MTUS2: variants seen among roughly 807,000 people sequenced by gnomAD.
The protein encoded by MTUS2 is microtubule-associated tumor suppressor candidate 2.
Under a neutral mutation model 114.1 loss-of-function variants are expected in MTUS2, and 40 were observed. The observed-to-expected ratio is 0.35, with a 90% CI of 0.27 to 0.46. The LOEUF (loss-of-function observed/expected upper bound fraction) is 0.46. Among genes scored for constraint, MTUS2 ranks in the 20% least tolerant of loss-of-function variants. MTUS2 has a pLI of 1.00. For synonymous variants in MTUS2, 688 were observed against 672.0 expected, an observed-to-expected ratio of 1.02 and a Z score of -0.37; for missense variants, 1,679 against 1,705.4, an observed-to-expected ratio of 0.98 and a Z score of 0.27.
At chr13:29,006,962 C>A (rs17072532) in intron 2 of MTUS2, among the ~76,000 whole-genome samples, 6,850 of 152,258 alleles carry the variant, frequency 0.045, 314 homozygotes, top group African/African-American at 0.12. Flanking sequence ...GGTCTCTGAA[C>A]ACACAAGAAA....
Position 29,355,210 on chromosome 13 carries a change from C to CAGCCTTTGCACGCAACGCCT in MTUS2, c.2906-4036_2906-4017dup, listed in dbSNP as rs1159146893. Among the ~76,000 whole-genome samples the CAGCCTTTGCACGCAACGCCT allele has an allele frequency of 3.3e-5, 5 of 152,174 alleles. No homozygotes were observed. In the South Asian group the frequency reaches 6.2e-4, roughly 19 times the overall value. ...CAAGGGCCGTGTCCTCTCCAGTGCTCAGCCTTTGCACGCAACGCCTAGCCT... is the reference window on the plus strand; with the variant it reads ...CAAGGGCCGTGTCCTCTCCAGTGCTCAGCCTTTGCACGCAACGCCTAGCCTTTGCACGCAACGCCTAGCCT... On this transcript the variant is annotated intron_variant, in intron 7 of 15. Transcript: ENST00000612955.
At chr13:29,423,329 C>T (rs1014580042) in intron 8 of MTUS2, among the ~76,000 whole-genome samples, 2 of 152,200 alleles carry the variant, frequency 1.3e-5, no homozygotes, top group Non-Finnish European at 2.9e-5. Flanking sequence ...CAACAAACAG[C>T]ACCCATTGTT....
chr13:28,990,056 A>T (rs1166406178), intron 2 of MTUS2, among the ~76,000 whole-genome samples: 2 of 152,048 alleles, frequency 1.3e-5, no homozygotes, highest in African/African-American at 2.4e-5. Context: ...AGGTGTTGTG[A>T]ACTGGCAGGA....
At chr13:28,891,945 G>A (rs1878957347) in intron 2 of MTUS2, among the ~76,000 whole-genome samples, 1 of 150,374 alleles carries the variant, frequency 6.7e-6, no homozygotes, top group Non-Finnish European at 1.5e-5. Context: ...TACTCTATTT[G>A]GTCTAGCTTC....
chr13:29,271,358 G>A (rs576498567), intron 5 of MTUS2, among the ~76,000 whole-genome samples: 5 of 152,006 alleles, frequency 3.3e-5, no homozygotes, highest in South Asian at 2.1e-4. Context: ...TTTTCCTCCC[G>A]AATTTTACTC....
At chr13:29,482,797 T>C (rs1461499802) in intron 10 of MTUS2, among the ~76,000 whole-genome samples, 3 of 152,224 alleles carry the variant, frequency 2.0e-5, no homozygotes, top group African/African-American at 7.2e-5. Context: ...GACTGAATCT[T>C]TCCAACACAA....
At chr13:29,208,679 A>C (rs984640699) in intron 5 of MTUS2, among the ~76,000 whole-genome samples, 2 of 152,104 alleles carry the variant, frequency 1.3e-5, no homozygotes, top group African/African-American at 4.8e-5. Flanking sequence ...TCTTGATTTC[A>C]TTGTTGACCC....
At chr13:28,867,854 G>A (rs1877393095) in intron 2 of MTUS2, among the ~76,000 whole-genome samples, 1 of 152,172 alleles carries the variant, frequency 6.6e-6, no homozygotes, top group Non-Finnish European at 1.5e-5. Flanking sequence ...ATCCAGGGCA[G>A]TGATTGCATT....
intron 8 of MTUS2, among the ~76,000 whole-genome samples, chr13:29,376,322 CCACT>C (rs1214661402): frequency 1.3e-5 from 2 of 152,090 alleles, no homozygotes; most frequent in Non-Finnish European, 2.9e-5. Flanking sequence ...TTTTCTACAT[CCACT>C]TGTGGTGGTT....
At chr13:28,846,055 A>ATATATAT (rs1555267189) in intron 2 of MTUS2, among the ~76,000 whole-genome samples, 20 of 143,174 alleles carry the variant, frequency 1.4e-4, no homozygotes, top group Admixed American at 5.6e-4. Flanking sequence ...TTAAAAAAAA[A>ATATATAT]ATATATATAT....
At chr13:29,462,124 G>A (rs924859413) in intron 9 of MTUS2, among the ~76,000 whole-genome samples, 4 of 152,224 alleles carry the variant, frequency 2.6e-5, no homozygotes, top group Admixed American at 2.6e-4. Context: ...TCAGATTCAG[G>A]GGAAGAGGGT....
In MTUS2 at chr13:29,150,178, C is replaced by G. The variant is rs562339929; in HGVS notation, c.2644+49208C>G. ...GAATGTTTTTCCATTTGTTTGCACC[C>G]TCTCTGATTTCTTTGAGCAGTGGTT... is the stretch of plus-strand genomic sequence containing the variant. On this transcript the variant is annotated intron_variant, in intron 5 of 15. Coordinates refer to ENST00000612955, the MANE Select transcript of MTUS2 (RefSeq NM_001033602.4). Among the ~76,000 whole-genome samples, 4 of 152,228 alleles carry G rather than the reference C, an allele frequency of 2.6e-5. No homozygotes were observed. The South Asian group carries it at 8.3e-4, about 32-fold the overall frequency.
intron 5 of MTUS2, among the ~76,000 whole-genome samples, chr13:29,237,889 G>A (rs1041804427): frequency 6.6e-6 from 1 of 152,008 alleles, no homozygotes; most frequent in Admixed American, 6.5e-5. Flanking sequence ...TAAGATGGCT[G>A]TTATCAAAAA....
Position 29,288,703 on chromosome 13 carries a change from G to T in MTUS2, c.2806+6838G>T, listed in dbSNP as rs964077851. Among the ~76,000 whole-genome samples, 7 of 152,268 alleles carry T rather than the reference G, an allele frequency of 4.6e-5. 1 individual carries two copies. Among genetic ancestry groups the T allele is most frequent in the African/African-American group, 1.7e-4 (7 of 41,544 alleles). On this transcript the variant is annotated intron_variant, in intron 6 of 15. Coordinates refer to ENST00000612955, the MANE Select transcript of MTUS2 (RefSeq NM_001033602.4). The stretch of plus-strand genomic sequence containing the variant: ...ACCTTGTCTTTGTCTAAGGCTGGAG[G>T]CTCCACTTGACTTGGGAGATGGATT...
chr13:29,168,888 CTGTG>C (rs57636866), intron 5 of MTUS2, among the ~76,000 whole-genome samples: 8 of 138,482 alleles, frequency 5.8e-5, no homozygotes, highest in East Asian at 4.2e-4. Flanking sequence ...CTTTATGAAT[CTGTG>C]TGTGTGTGTG....
chr13:29,203,055 A>G (rs1285868543), intron 5 of MTUS2, among the ~76,000 whole-genome samples: 4 of 152,210 alleles, frequency 2.6e-5, no homozygotes, highest in Non-Finnish European at 5.9e-5. Flanking sequence ...AATCTGCTGC[A>G]ATCTTCAGAG....
intron 5 of MTUS2, among the ~76,000 whole-genome samples, chr13:29,190,728 TATATATA>T (rs1450550509): frequency 7.9e-5 from 12 of 152,310 alleles, no homozygotes; most frequent in Middle Eastern, 3.4e-3. Context: ...GAGCATTGCA[TATATATA>T]ACTTAGTCTC....
At chr13:29,320,422 A>T (rs1369757847) in intron 6 of MTUS2, among the ~76,000 whole-genome samples, 1 of 152,232 alleles carries the variant, frequency 6.6e-6, no homozygotes, top group African/African-American at 2.4e-5. Context: ...CTGCTAAGTG[A>T]TAATTTGTTA....
intron 5 of MTUS2, among the ~76,000 whole-genome samples, chr13:29,147,278 T>C (rs973812413): frequency 6.6e-6 from 1 of 152,196 alleles, no homozygotes; most frequent in African/African-American, 2.4e-5. Context: ...GTTGATACAA[T>C]GGAAGCCACC....
Sources: allele counts gnomAD v4.1 joint callset (sites outside exome capture counted in the v4.1 genomes callset), GRCh38; gene constraint gnomAD v4.1.1; transcripts MANE v1.5; gene names NCBI Gene and HGNC (gene_info 2026-07-23, HGNC 2026-07-21).